TOB2: variants seen among roughly 807,000 people sequenced by gnomAD.
TOB2 encodes transducer of ERBB2, 2, also known as protein Tob2.
In TOB2, 3 loss-of-function variants were observed where a neutral mutation model predicts 17.3. The ratio of observed to expected loss-of-function variants is 0.17; its 90% CI spans 0.08 to 0.45. TOB2 has a LOEUF of 0.45. Ranked by LOEUF, TOB2 falls within the 20% of genes least tolerant of loss-of-function variation. TOB2 has a pLI of 0.99. For missense variants in TOB2, 407 were observed against 445.7 expected, an observed-to-expected ratio of 0.91 and a Z score of 0.78; for synonymous variants, 163 against 185.6, an observed-to-expected ratio of 0.88 and a Z score of 0.99.
chr22:41,444,387 C>T (rs2037656846), intron 1 of TOB2, among the ~76,000 whole-genome samples: 1 of 152,158 alleles, frequency 6.6e-6, no homozygotes, highest in Non-Finnish European at 1.5e-5. Flanking sequence ...TAGGGCACTC[C>T]ATGTTCCTCA....
At chr22:41,442,606 G>C (rs1010534585) in intron 1 of TOB2, among the ~76,000 whole-genome samples, 3 of 152,208 alleles carry the variant, frequency 2.0e-5, no homozygotes, top group East Asian at 1.9e-4. Flanking sequence ...TGGCTGTGGG[G>C]TGGAACCTTA....
intron 1 of TOB2, among the ~76,000 whole-genome samples, chr22:41,444,330 A>G (rs2037655952): frequency 6.6e-6 from 1 of 152,148 alleles, no homozygotes; most frequent in East Asian, 1.9e-4. Flanking sequence ...AGACCGGTCA[A>G]CCTTAGGTCT....
chr22:41,442,967 G>T (rs907465425), intron 1 of TOB2, among the ~76,000 whole-genome samples: 3 of 152,142 alleles, frequency 2.0e-5, no homozygotes, highest in African/African-American at 7.2e-5. Flanking sequence ...GGAGCAAGAA[G>T]AATAAAAATG....
Position 41,436,611 on chromosome 22 carries a change from G to C in TOB2, c.735C>G (p.Ala245=). Reference sequence around the variant, plus strand: ...AGAGCTGGGACTGAGGGGCCGGGTTGGCCGTGATGAAGTTCAGTGAATGCA... The same window carrying C: ...AGAGCTGGGACTGAGGGGCCGGGTTCGCCGTGATGAAGTTCAGTGAATGCA... The part of the protein sequence containing the change: ...LSMHSLNFIT[A]NPAPQSQLSP... The change falls in exon 2 of 2, where the codon GCC becomes GCG. Residue 245 remains alanine (A), a synonymous_variant. Coordinates refer to ENST00000327492, the MANE Select transcript of TOB2 (RefSeq NM_016272.4). The surrounding 1 kb of genome is among the most constrained non-coding windows in gnomAD (Gnocchi z 4.8). 1.2e-6 allele frequency: 2 copies of C among 1,613,344 alleles called. No individual in the cohort carries two copies. The highest frequency in any genetic ancestry group is 1.7e-6 in the Non-Finnish European group (2 of 1,179,710).
chr22:41,437,388 G>A lies in TOB2; in HGVS notation c.-43C>T. Reference sequence around the variant, plus strand: ...AGAATCAGCACAGGGCACGTGTACAGCCTTGGGCTCCAGGCGGCTCTGGGA... The same window carrying A: ...AGAATCAGCACAGGGCACGTGTACAACCTTGGGCTCCAGGCGGCTCTGGGA... On this transcript the variant is annotated 5_prime_UTR_variant, in exon 2 of 2. Coordinates refer to ENST00000327492, the MANE Select transcript of TOB2 (RefSeq NM_016272.4). 4 of 1,553,502 alleles carry A rather than the reference G, an allele frequency of 2.6e-6. No homozygotes were observed. Among genetic ancestry groups the A allele is most frequent in the Non-Finnish European group, 3.5e-6 (4 of 1,153,080 alleles).
chr22:41,440,551 G>A (rs1405162874), intron 1 of TOB2, among the ~76,000 whole-genome samples: 1 of 149,920 alleles, frequency 6.7e-6, no homozygotes, highest in Non-Finnish European at 1.5e-5. Flanking sequence ...GGGACTACAG[G>A]CATGTACCAC....
chr22:41,433,976 G>A lies in TOB2; in HGVS notation c.*2335C>T. 1 of 232,032 alleles carries A rather than the reference G, an allele frequency of 4.3e-6. No homozygotes were observed. The highest frequency in any genetic ancestry group is 8.8e-6 in the Non-Finnish European group (1 of 113,012). The allele number at this position is 232,032 out of a possible 1,614,324, so 14.4% of individuals were successfully genotyped here. A position where few individuals can be genotyped will look rare whatever the true frequency, so the allele number is the denominator to read the frequency against. On this transcript the variant is annotated 3_prime_UTR_variant, in exon 2 of 2. Transcript: ENST00000327492. ...TCTCATCTTTTTAAGAAAAAATCTTGAAAAGAAAAAAATTATGTTTTTTAC... is the reference window on the plus strand; with the variant it reads ...TCTCATCTTTTTAAGAAAAAATCTTAAAAAGAAAAAAATTATGTTTTTTAC...
rs769078750 is a variant in TOB2, at chr22:41,436,218, T to C, written c.*93A>G. The C allele has an allele frequency of 1.7e-5, 25 of 1,435,492 alleles. No individual in the cohort carries two copies. The highest frequency in any genetic ancestry group is 4.7e-4 in the Middle Eastern group (2 of 4,232). 88.9% of individuals were successfully genotyped at this position (1,435,492 alleles called of 1,614,324 possible). A position where few individuals can be genotyped will look rare whatever the true frequency, so the allele number is the denominator to read the frequency against. On this transcript the variant is annotated 3_prime_UTR_variant, in exon 2 of 2. Coordinates refer to ENST00000327492, the MANE Select transcript of TOB2 (RefSeq NM_016272.4). The surrounding 1 kb of genome is among the most constrained non-coding windows in gnomAD (Gnocchi z 4.8). ...AGTAAGAGTGAGAAGATCGAAAATC[T>C]TTTTGTACATTTTTCTTTTCCTCTT... is the stretch of plus-strand genomic sequence containing the variant.
At position 41,436,679 on chromosome 22, in the gene TOB2, G is replaced by A. The variant is rs756167550; in HGVS notation, c.667C>T (p.Pro223Ser). 1 of 1,613,970 alleles carries A rather than the reference G, an allele frequency of 6.2e-7. No individual in the cohort carries two copies. The highest frequency in any genetic ancestry group is 8.5e-7 in the Non-Finnish European group (1 of 1,179,970). The change falls in exon 2 of 2, where the codon CCC becomes TCC. Residue 223 changes from proline (P) to serine (S), a missense_variant. Transcript: ENST00000327492. The surrounding 1 kb of genome is among the most constrained non-coding windows in gnomAD (Gnocchi z 4.8). ...TTGTGCTTCAGCAGGCTGTTGGTGGGTGAGCGGGCCATGCGAGGCTGCTGT... is the reference window on the plus strand; with the variant it reads ...TTGTGCTTCAGCAGGCTGTTGGTGGATGAGCGGGCCATGCGAGGCTGCTGT... ...PPQQPRMARS[P>S]TNSLLKHKSL...
chr22:41,443,925 C>T (rs962883803), intron 1 of TOB2, among the ~76,000 whole-genome samples: 1 of 152,132 alleles, frequency 6.6e-6, no homozygotes. Flanking sequence ...CGCACCCGGC[C>T]GGAAGGTTTT....
At chr22:41,441,261 G>A (rs1402742365) in intron 1 of TOB2, among the ~76,000 whole-genome samples, 1 of 151,016 alleles carries the variant, frequency 6.6e-6, no homozygotes, top group Non-Finnish European at 1.5e-5. Context: ...GTTGCAATGA[G>A]CTGAGATCGT....
intron 1 of TOB2, among the ~76,000 whole-genome samples, chr22:41,438,654 A>AAAAAAAAAAAAAAAAAAAAG (rs2037581298): frequency 7.0e-6 from 1 of 143,326 alleles, no homozygotes; most frequent in Non-Finnish European, 1.5e-5. Flanking sequence ...AAAAAAAAAA[A>AAAAAAAAAAAAAAAAAAAAG]AAAAAAAGGA....
chr22:41,436,877 A>G lies in TOB2; in HGVS notation c.469T>C (p.Ser157Pro), dbSNP rs1287944224. 1 of 1,614,110 alleles carries G rather than the reference A, an allele frequency of 6.2e-7. No homozygotes were observed. The highest frequency in any genetic ancestry group is 1.1e-5 in the South Asian group (1 of 91,086). Residue 157 changes from serine to proline, a missense_variant, in exon 2 of 2, where the codon TCC becomes CCC. Coordinates refer to ENST00000327492, the MANE Select transcript of TOB2 (RefSeq NM_016272.4). The surrounding 1 kb of genome is among the most constrained non-coding windows in gnomAD (Gnocchi z 4.8). ...DSSLSNSPSP[S>P]FGQSPSPTFI... ...GTAGGGCTGGGTGACTGGCCAAAGGATGGCGATGGGGAGTTGGACAGGGAG... is the reference window on the plus strand; with the variant it reads ...GTAGGGCTGGGTGACTGGCCAAAGGGTGGCGATGGGGAGTTGGACAGGGAG...
intron 1 of TOB2, among the ~76,000 whole-genome samples, chr22:41,441,156 A>G (rs2037615876): frequency 6.6e-6 from 1 of 151,950 alleles, no homozygotes. Context: ...TCTCTATAAA[A>G]ATACAAAAAT....
rs368565549 is a variant in TOB2, at chr22:41,436,956, C to T, written c.390G>A (p.Lys130=). The T allele has an allele frequency of 6.2e-7, 1 of 1,614,210 alleles. No individual in the cohort carries two copies. Among genetic ancestry groups the T allele is most frequent in the Non-Finnish European group, 8.5e-7 (1 of 1,180,042 alleles). ...CGAPELDKEI[K]SSFNPDAQVF... ...CCTGGGCGTCAGGGTTGAAGCTGCT[C>T]TTGATCTCCTTGTCCAGCTCTGGGG... Residue 130 remains lysine, a synonymous_variant, in exon 2 of 2, where the codon AAG becomes AAA. Transcript: ENST00000327492. This position sits in a 1 kb window ranked among gnomAD's most constrained non-coding sequence, Gnocchi z 4.8.
intron 1 of TOB2, among the ~76,000 whole-genome samples, chr22:41,444,262 A>T (rs932752530): frequency 5.3e-5 from 8 of 152,100 alleles, no homozygotes; most frequent in African/African-American, 1.9e-4. Flanking sequence ...GGCTTCCAGG[A>T]CTGGTGCTGA....
intron 1 of TOB2, among the ~76,000 whole-genome samples, chr22:41,438,228 C>A (rs2037575218): frequency 6.6e-6 from 1 of 152,184 alleles, no homozygotes; most frequent in South Asian, 2.1e-4. Context: ...CAGGAAAGAG[C>A]ACTGCCAATT....
At chr22:41,444,606 G>C (rs1426907332) in intron 1 of TOB2, among the ~76,000 whole-genome samples, 1 of 152,250 alleles carries the variant, frequency 6.6e-6, no homozygotes, top group Non-Finnish European at 1.5e-5. Context: ...GGAGCCGACC[G>C]AGGGTCGAAG....
At chr22:41,443,282 C>T (rs1209176814) in intron 1 of TOB2, among the ~76,000 whole-genome samples, 2 of 152,106 alleles carry the variant, frequency 1.3e-5, no homozygotes, top group South Asian at 2.1e-4. Flanking sequence ...CACACGCGCG[C>T]GCATGTGTCT....
Sources: allele counts gnomAD v4.1 joint callset (sites outside exome capture counted in the v4.1 genomes callset), GRCh38; gene constraint gnomAD v4.1.1; non-coding constraint Gnocchi (gnomAD v3.1); transcripts MANE v1.5; gene names NCBI Gene and HGNC (gene_info 2026-07-23, HGNC 2026-07-21).